ARHGAP10: variants seen among roughly 807,000 people sequenced by gnomAD.
The protein encoded by ARHGAP10 is Rho GTPase activating protein 10.
Under a neutral mutation model 108.6 loss-of-function variants are expected in ARHGAP10, and 87 were observed. The ratio of observed to expected loss-of-function variants is 0.80; its 90% CI spans 0.67 to 0.96. ARHGAP10 has a LOEUF of 0.96. Among genes scored for constraint, ARHGAP10 ranks in the 40% least tolerant of loss-of-function variants. ARHGAP10 has a pLI of 0.00. For missense variants in ARHGAP10, 939 were observed against 954.5 expected (o/e 0.98, Z 0.21); for synonymous variants, 347 against 341.1 (o/e 1.02, Z -0.19).
chr4:147,959,524 C>G (rs956452937), intron 16 of ARHGAP10, among the ~76,000 whole-genome samples: 16 of 152,054 alleles, frequency 1.1e-4, no homozygotes, highest in Non-Finnish European at 1.9e-4. Context: ...CCGCTCCCCC[C>G]ACCCCACGAC....
chr4:147,840,809 G>A (rs929437591), intron 3 of ARHGAP10, among the ~76,000 whole-genome samples: 2 of 152,156 alleles, frequency 1.3e-5, no homozygotes, highest in African/African-American at 4.8e-5. Flanking sequence ...AGAGCTCCTT[G>A]AACTGTGATT....
chr4:147,909,897 G>A (rs896658195), intron 12 of ARHGAP10, 120 bp downstream of exon 12: 3 of 899,294 alleles, frequency 3.3e-6, no homozygotes, highest in Non-Finnish European at 5.2e-6. Flanking sequence ...AGACAGAGGG[G>A]TATTACACGT....
At chr4:147,792,013 G>A (rs1451127068) in intron 1 of ARHGAP10, among the ~76,000 whole-genome samples, 1 of 152,228 alleles carries the variant, frequency 6.6e-6, no homozygotes, top group African/African-American at 2.4e-5. Context: ...TGATGTGTAT[G>A]TGCGTTTCTC....
chr4:147,845,997 T>C (rs1733615714), intron 3 of ARHGAP10, among the ~76,000 whole-genome samples: 1 of 152,204 alleles, frequency 6.6e-6, no homozygotes, highest in Non-Finnish European at 1.5e-5. Context: ...TGATCCCTTT[T>C]CCCTGACTAG....
At chr4:147,922,517 G>A (rs1179311850) in intron 13 of ARHGAP10, among the ~76,000 whole-genome samples, 3 of 150,912 alleles carry the variant, frequency 2.0e-5, no homozygotes, top group East Asian at 1.9e-4. Context: ...GTGAAACCCC[G>A]TCTCTACTAA....
At chr4:147,946,441 G>A in intron 14 of ARHGAP10, 176 bp from the exon 15 acceptor site, 1 of 505,990 alleles carries the variant, frequency 2.0e-6, no homozygotes, top group Non-Finnish European at 3.4e-6. Context: ...TGCCAGAAGT[G>A]TCTAGTCATA....
intron 15 of ARHGAP10, among the ~76,000 whole-genome samples, chr4:147,947,639 G>A (rs1374150826): frequency 6.6e-6 from 1 of 151,798 alleles, no homozygotes; most frequent in African/African-American, 2.4e-5. Context: ...CTGACCTCAA[G>A]TGATCTGCCT....
chr4:148,026,433 A>G (rs181682402), intron 19 of ARHGAP10, among the ~76,000 whole-genome samples: 20 of 152,288 alleles, frequency 1.3e-4, no homozygotes, highest in African/African-American at 4.3e-4. Flanking sequence ...CAATTGAGAG[A>G]TGACCAGTTT....
At chr4:148,062,954 T>C (rs1729684926) in intron 20 of ARHGAP10, among the ~76,000 whole-genome samples, 194 bp from the exon 21 acceptor site, 1 of 152,148 alleles carries the variant, frequency 6.6e-6, no homozygotes, top group Non-Finnish European at 1.5e-5. Context: ...AGTTTGGGGC[T>C]GTGGCTGGTT....
intron 9 of ARHGAP10, among the ~76,000 whole-genome samples, chr4:147,881,517 A>G (rs1735327179): frequency 1.3e-5 from 2 of 151,858 alleles, no homozygotes; most frequent in African/African-American, 4.8e-5. Flanking sequence ...GCATGCCTGT[A>G]ATCCCAGCTA....
intron 1 of ARHGAP10, among the ~76,000 whole-genome samples, chr4:147,784,410 GTT>G (rs1346026830): frequency 8.2e-6 from 1 of 121,824 alleles, no homozygotes; most frequent in Non-Finnish European, 1.6e-5. Flanking sequence ...ATAATATAAA[GTT>G]ATATATAATT....
chr4:147,778,777 T>C (rs761753478), intron 1 of ARHGAP10, among the ~76,000 whole-genome samples: 4 of 152,208 alleles, frequency 2.6e-5, no homozygotes, highest in Non-Finnish European at 4.4e-5. Context: ...GTTATCCTCT[T>C]GCTCCATTTC....
chr4:148,009,569 A>T (rs952405304), intron 18 of ARHGAP10, among the ~76,000 whole-genome samples: 5 of 152,220 alleles, frequency 3.3e-5, no homozygotes, highest in Non-Finnish European at 5.9e-5. Flanking sequence ...TAGAATGTAG[A>T]TGTACAGAAT....
chr4:148,064,493 C>T lies in ARHGAP10; in HGVS notation c.2258C>T (p.Ala753Val). 6.2e-7 allele frequency: 1 copy of T among 1,614,066 alleles called. No homozygotes were observed. Among genetic ancestry groups the T allele is most frequent in the Admixed American group, 1.7e-5 (1 of 60,016 alleles). The stretch of plus-strand genomic sequence containing the variant: ...TCGGAATTATCTTTTGAAATAGGAG[C>T]AATTTTTGAGGATGGTAAGTGTTAG... ...HSSELSFEIG[A>V]IFEDVQTSRE... Residue 753 changes from alanine to valine, a missense_variant, in exon 22 of 23, where the codon GCA becomes GTA. Ala to Val is a moderately conservative substitution (Grantham distance 64). Coordinates refer to ENST00000336498, the MANE Select transcript of ARHGAP10 (RefSeq NM_024605.4).
intron 10 of ARHGAP10, among the ~76,000 whole-genome samples, chr4:147,890,817 A>G (rs1735770588): frequency 6.6e-6 from 1 of 152,118 alleles, no homozygotes; most frequent in African/African-American, 2.4e-5. Context: ...ACAGAGCGAG[A>G]CTCCATCACA....
chr4:147,951,193 T>C (rs1439087110), intron 15 of ARHGAP10, among the ~76,000 whole-genome samples: 1 of 152,204 alleles, frequency 6.6e-6, no homozygotes, highest in South Asian at 2.1e-4. Flanking sequence ...AATTCATTTT[T>C]ATTGGAAAAG....
intron 3 of ARHGAP10, among the ~76,000 whole-genome samples, chr4:147,839,092 G>A (rs1056297568): frequency 1.4e-5 from 2 of 143,788 alleles, no homozygotes; most frequent in African/African-American, 5.1e-5. Flanking sequence ...TAGATCTATC[G>A]TATCTATCTA....
rs1257513642 is a variant in ARHGAP10 at position 147,822,920 on chromosome 4, A to T, written c.275A>T (p.Asn92Ile). The T allele has an allele frequency of 1.4e-5, 23 of 1,613,916 alleles. No individual in the cohort carries two copies. The highest frequency in any genetic ancestry group is 1.9e-5 in the Non-Finnish European group (23 of 1,179,926). ...GATGCTTCCTTACGTGAATTTTCAA[A>T]TTTTTTGAAGAATCTGGAGGAACAG... ...CIDASLREFS[N>I]FLKNLEEQRE... is the part of the protein sequence containing the mutation. The change falls in exon 3 of 23, where the codon AAT becomes ATT. Residue 92 changes from asparagine to isoleucine, a missense_variant. Transcript: ENST00000336498.
intron 19 of ARHGAP10, among the ~76,000 whole-genome samples, chr4:148,024,434 C>G (rs925531330): frequency 6.6e-6 from 1 of 152,110 alleles, no homozygotes; most frequent in Admixed American, 6.5e-5. Flanking sequence ...CAGCTGCATG[C>G]ACACACCAGG....
Sources: allele counts gnomAD v4.1 joint callset (sites outside exome capture counted in the v4.1 genomes callset), GRCh38; gene constraint gnomAD v4.1.1; transcripts MANE v1.5; gene names NCBI Gene and HGNC (gene_info 2026-07-23, HGNC 2026-07-21).